Variants in SSBP2 observed in about 807,000 individuals in gnomAD.
SSBP2 encodes the protein single stranded DNA binding protein 2.
In SSBP2, 17 loss-of-function variants were observed where a neutral mutation model predicts 61.8. That is an observed-to-expected ratio of 0.28 (90% CI 0.19 to 0.41). The LOEUF (loss-of-function observed/expected upper bound fraction) is 0.41, where lower values mean the gene tolerates loss of function less well. Ranked by LOEUF, SSBP2 falls within the 10% of genes least tolerant of loss-of-function variation. The pLI is 1.00. For synonymous variants in SSBP2, 139 were observed against 141.3 expected (o/e 0.98, Z 0.12); for missense variants, 310 against 458.7 (o/e 0.68, Z 2.96).
chr5:81,751,581 GA>G, upstream of SSBP2: 1 of 17,208 alleles, frequency 5.8e-5, no homozygotes, highest in East Asian at 1.1e-3. Flanking sequence ...CCGAGTCCAC[GA>G]CAGAGCCACG....
intron 1 of SSBP2, among the ~76,000 whole-genome samples, chr5:81,693,035 C>G (rs1469691364): frequency 6.6e-6 from 1 of 151,728 alleles, no homozygotes; most frequent in Non-Finnish European, 1.5e-5. Context: ...GAAAGCTTGT[C>G]TCTACTAAAA....
chr5:81,686,711 C>T (rs1238353408), intron 1 of SSBP2, among the ~76,000 whole-genome samples: 4 of 151,346 alleles, frequency 2.6e-5, no homozygotes, highest in Admixed American at 2.0e-4. Flanking sequence ...AAAAATTAGC[C>T]GGGTGTGGTG....
chr5:81,638,879 T>A (rs1748508687), intron 2 of SSBP2, among the ~76,000 whole-genome samples: 1 of 152,192 alleles, frequency 6.6e-6, no homozygotes, highest in Non-Finnish European at 1.5e-5. Flanking sequence ...AAGCTTCTAT[T>A]TAAAATCATT....
At chr5:81,680,869 C>T (rs1379318254) in intron 1 of SSBP2, among the ~76,000 whole-genome samples, 1 of 152,144 alleles carries the variant, frequency 6.6e-6, no homozygotes, top group Non-Finnish European at 1.5e-5. Context: ...TTCCAGCAGG[C>T]AGAAAATCCA....
chr5:81,426,256 A>T (rs917472820), intron 16 of SSBP2, among the ~76,000 whole-genome samples: 4 of 152,226 alleles, frequency 2.6e-5, no homozygotes, highest in Non-Finnish European at 4.4e-5. Context: ...ATGACAAAGA[A>T]AGCCACACAT....
chr5:81,537,144 C>G (rs544117785), intron 4 of SSBP2, among the ~76,000 whole-genome samples: 2 of 152,120 alleles, frequency 1.3e-5, no homozygotes, highest in South Asian at 4.1e-4. Flanking sequence ...ATATCCTTAA[C>G]GTGCTCTGAT....
chr5:81,466,302 T>C (rs1764887544), intron 9 of SSBP2, among the ~76,000 whole-genome samples: 1 of 152,022 alleles, frequency 6.6e-6, no homozygotes, highest in Non-Finnish European at 1.5e-5. Context: ...CTACATTATA[T>C]TGGCTGATAG....
intron 1 of SSBP2, among the ~76,000 whole-genome samples, chr5:81,726,274 T>C (rs1007532233): frequency 6.6e-6 from 1 of 152,100 alleles, no homozygotes; most frequent in African/African-American, 2.4e-5. Context: ...CGGGACCACA[T>C]AGGAGATGTA....
At chr5:81,696,613 T>C (rs1753618443) in intron 1 of SSBP2, among the ~76,000 whole-genome samples, 1 of 152,222 alleles carries the variant, frequency 6.6e-6, no homozygotes, top group Non-Finnish European at 1.5e-5. Flanking sequence ...TTGTTAGTTC[T>C]GGAGTTCAAC....
chr5:81,425,912 T>C (rs1285153885), intron 16 of SSBP2, among the ~76,000 whole-genome samples: 1 of 152,186 alleles, frequency 6.6e-6, no homozygotes, highest in East Asian at 1.9e-4. Flanking sequence ...CAATAGATAC[T>C]TGCTCCCTTC....
rs1381522435 is a variant in SSBP2, at chr5:81,620,435, C to T, written c.198-4878G>A. ...CCTCTTCAAGGAGAACCACAAACCA[C>T]TGGTCAAGGAAATAAAAGAGGACAC... On this transcript the variant is annotated intron_variant, in intron 3 of 16. Transcript: ENST00000320672. Among the ~76,000 whole-genome samples the T allele has an allele frequency of 2.6e-5, 4 of 151,892 alleles. No individual in the cohort carries two copies. The East Asian group carries it at 7.7e-4, about 29-fold the overall frequency.
intron 5 of SSBP2, among the ~76,000 whole-genome samples, chr5:81,495,611 G>A (rs536296265): frequency 1.3e-5 from 2 of 152,104 alleles, no homozygotes; most frequent in Non-Finnish European, 2.9e-5. Flanking sequence ...CCGATATGAA[G>A]GAACTGTACT....
intron 10 of SSBP2, among the ~76,000 whole-genome samples, chr5:81,459,753 T>C (rs1394371443): frequency 6.6e-6 from 1 of 152,212 alleles, no homozygotes; most frequent in African/African-American, 2.4e-5. Flanking sequence ...AAATCTTGAA[T>C]GAATTGGTTA....
chr5:81,656,232 A>G (rs887634801), intron 1 of SSBP2, among the ~76,000 whole-genome samples: 1 of 151,986 alleles, frequency 6.6e-6, no homozygotes, highest in African/African-American at 2.4e-5. Context: ...TTGTATTTTT[A>G]TTAGAGACAG....
intron 4 of SSBP2, among the ~76,000 whole-genome samples, chr5:81,520,490 C>T (rs180942052): frequency 6.9e-4 from 105 of 152,042 alleles, no homozygotes; most frequent in African/African-American, 2.4e-3. Context: ...AATGAGAATA[C>T]CAATATCAAG....
At chr5:81,640,946 C>T (rs190911592) in intron 2 of SSBP2, among the ~76,000 whole-genome samples, 31 of 152,290 alleles carry the variant, frequency 2.0e-4, no homozygotes, top group Admixed American at 5.9e-4. Flanking sequence ...AATCATATGA[C>T]CAGCAAATTT....
At chr5:81,702,269 G>A (rs1297954990) in intron 1 of SSBP2, among the ~76,000 whole-genome samples, 2 of 152,162 alleles carry the variant, frequency 1.3e-5, no homozygotes, top group Non-Finnish European at 2.9e-5. Flanking sequence ...TACTCAGGAG[G>A]CTGAGGCAGG....
At chr5:81,696,602 G>A (rs1753617397) in intron 1 of SSBP2, among the ~76,000 whole-genome samples, 1 of 152,190 alleles carries the variant, frequency 6.6e-6, no homozygotes, top group Non-Finnish European at 1.5e-5. Flanking sequence ...GGAAACCACA[G>A]TTGTTAGTTC....
intron 6 of SSBP2, among the ~76,000 whole-genome samples, chr5:81,476,998 A>ATG (rs760728020): frequency 2.8e-4 from 42 of 150,698 alleles, no homozygotes; most frequent in South Asian, 2.1e-3. Flanking sequence ...GTGTGTGTGT[A>ATG]TGTGTGTGTG....
Sources: allele counts gnomAD v4.1 joint callset (sites outside exome capture counted in the v4.1 genomes callset), GRCh38; gene constraint gnomAD v4.1.1; transcripts MANE v1.5; gene names NCBI Gene and HGNC (gene_info 2026-07-23, HGNC 2026-07-21).